The following BORCS5 variants were observed in gnomAD, a reference collection of about 807,000 sequenced individuals.
BORCS5 encodes BLOC-1-related complex subunit 5.
Under a neutral mutation model 22.1 loss-of-function variants are expected in BORCS5, and 17 were observed. The observed-to-expected ratio is 0.77, with a 90% CI of 0.53 to 1.15. BORCS5 has a LOEUF of 1.15. BORCS5 is among the 50% of genes most tolerant of loss of function. BORCS5 has a pLI of 0.00. For synonymous variants in BORCS5, 117 were observed against 99.8 expected (o/e 1.17, Z -1.03); for missense variants, 247 against 253.2 (o/e 0.98, Z 0.17).
chr12:12,438,366 A>AAAAC (rs1555155989), intron 3 of BORCS5, among the ~76,000 whole-genome samples: 1 of 118,040 alleles, frequency 8.5e-6, no homozygotes, highest in African/African-American at 4.6e-5. Flanking sequence ...ATCTCAAAAA[A>AAAAC]AAAAAAAAAA....
intron 2 of BORCS5, among the ~76,000 whole-genome samples, chr12:12,366,112 C>G (rs747257723): frequency 6.6e-5 from 10 of 152,164 alleles, no homozygotes; most frequent in Non-Finnish European, 1.3e-4. Flanking sequence ...TCCCCCTTTC[C>G]TGCTTTCAGG....
In BORCS5 at chr12:12,422,018, A is replaced by AT. The variant is rs77310222; in HGVS notation, c.203-13602dup. 4.2e-3 allele frequency among the ~76,000 whole-genome samples: 638 copies of AT among 151,798 alleles called. 6 individuals are homozygous for AT. Among genetic ancestry groups the AT allele is most frequent in the African/African-American group, 9.5e-3 (392 of 41,406 alleles). ...AAAAAACCAGCTCCTGGACTCATTG[A>AT]TTTTTTTTAAGGGTTTTTATGTCTC... is the stretch of plus-strand genomic sequence containing the variant. On this transcript the variant is annotated intron_variant, in intron 2 of 3. Transcript: ENST00000314565.
chr12:12,393,302 G>A (rs1276028284), intron 2 of BORCS5, among the ~76,000 whole-genome samples: 1 of 151,950 alleles, frequency 6.6e-6, no homozygotes, highest in Non-Finnish European at 1.5e-5. Context: ...ATGTACCCTA[G>A]TTTAAAAATC....
intron 2 of BORCS5, among the ~76,000 whole-genome samples, chr12:12,422,600 CAAAA>C (rs1363303157): frequency 6.7e-6 from 1 of 149,080 alleles, no homozygotes; most frequent in Non-Finnish European, 1.5e-5. Flanking sequence ...GTCTTCATCT[CAAAA>C]GAAAAAAAAA....
intron 2 of BORCS5, among the ~76,000 whole-genome samples, chr12:12,412,308 G>GT (rs199876354): frequency 2.1e-4 from 32 of 151,838 alleles, no homozygotes; most frequent in South Asian, 1.0e-3. Context: ...GTATTTTATG[G>GT]TTTTTTTTAT....
rs539934735 is a variant in BORCS5, at chr12:12,454,840, A to C, written c.361-10706A>C. 2.0e-5 allele frequency among the ~76,000 whole-genome samples: 3 copies of C among 152,320 alleles called. No homozygotes were observed. The South Asian group carries it at 6.2e-4, about 32-fold the overall frequency. On this transcript the variant is annotated intron_variant, in intron 3 of 3. Coordinates refer to ENST00000314565, the MANE Select transcript of BORCS5 (RefSeq NM_058169.6). ...ACAACACTGCCGTGAGGTAGGATGA[A>C]TATTAGCCATTATTATCCCCACTTT... is the stretch of plus-strand genomic sequence containing the variant.
chr12:12,422,491 G>A (rs939211098), intron 2 of BORCS5, among the ~76,000 whole-genome samples: 1 of 152,016 alleles, frequency 6.6e-6, no homozygotes. Context: ...GCACATGCCT[G>A]TAGTCTCAGC....
In BORCS5 at chr12:12,384,477, G is replaced by C. The variant is rs977758906; in HGVS notation, c.202+23128G>C. ...TTTCTATTGACTGCATTTTTTTCTTGAGTACGAGTCACACTCCTGTTTCTT... is the reference window on the plus strand; with the variant it reads ...TTTCTATTGACTGCATTTTTTTCTTCAGTACGAGTCACACTCCTGTTTCTT... On this transcript the variant is annotated intron_variant, in intron 2 of 3. Transcript: ENST00000314565. Among the ~76,000 whole-genome samples, 3 of 148,238 alleles carry C rather than the reference G, an allele frequency of 2.0e-5. No homozygotes were observed. In the Admixed American group the frequency reaches 2.0e-4, roughly 10 times the overall value.
rs1008321002 is a variant in BORCS5, at chr12:12,466,371, C to T, written c.*595C>T. 1 of 152,272 alleles carries T rather than the reference C, an allele frequency of 6.6e-6. No individual in the cohort carries two copies. Among genetic ancestry groups the T allele is most frequent in the African/African-American group, 2.4e-5 (1 of 41,458 alleles). 9.4% of individuals were successfully genotyped at this position (152,272 alleles called of 1,614,324 possible). The stretch of plus-strand genomic sequence containing the variant: ...AGGTTAGGTGTCCCTTAGTCGTCAT[C>T]AGAAGCTGAAGCCTTCCTTTCCACA... On this transcript the variant is annotated 3_prime_UTR_variant, in exon 4 of 4. Coordinates refer to ENST00000314565, the MANE Select transcript of BORCS5 (RefSeq NM_058169.6).
chr12:12,383,476 C>G (rs1416340373), intron 2 of BORCS5, among the ~76,000 whole-genome samples: 1 of 151,354 alleles, frequency 6.6e-6, no homozygotes, highest in Non-Finnish European at 1.5e-5. Context: ...TTCCTCAGTT[C>G]TTCTTGGACT....
intron 2 of BORCS5, among the ~76,000 whole-genome samples, chr12:12,400,958 T>C (rs1341322799): frequency 6.6e-6 from 1 of 152,238 alleles, no homozygotes; most frequent in Non-Finnish European, 1.5e-5. Flanking sequence ...CTTTTCCTTA[T>C]AATTTTGAGA....
intron 2 of BORCS5, among the ~76,000 whole-genome samples, chr12:12,415,556 A>AAAGGGGGAGGGGGAGGGG (rs1565887792): frequency 3.0e-4 from 1 of 3,306 alleles, no homozygotes; most frequent in Non-Finnish European, 9.3e-4. Context: ...GACCGTGGAG[A>AAAGGGGGAGGGGGAGGGG]GAGGGGGAGG....
chr12:12,447,098 CT>C (rs1301529712), intron 3 of BORCS5, among the ~76,000 whole-genome samples: 1 of 152,184 alleles, frequency 6.6e-6, no homozygotes, highest in Non-Finnish European at 1.5e-5. Flanking sequence ...TCTCTTTGCC[CT>C]TGCTGAGACT....
intron 2 of BORCS5, among the ~76,000 whole-genome samples, chr12:12,368,276 G>GTTTTTTTTT (rs1441786879): frequency 7.0e-6 from 1 of 142,444 alleles, no homozygotes; most frequent in African/African-American, 2.6e-5. Flanking sequence ...GTGGTATTCT[G>GTTTTTTTTT]TTTTGTTTTT....
At chr12:12,434,903 A>G (rs150588837) in intron 2 of BORCS5, among the ~76,000 whole-genome samples, 3,975 of 152,304 alleles carry the variant, frequency 0.026, 182 homozygotes, top group African/African-American at 0.088. Flanking sequence ...TAATTTCTAG[A>G]CTGGGCTTTG....
Position 12,357,123 on chromosome 12 carries a change from G to C in BORCS5, c.-329G>C, listed in dbSNP as rs1020598652. The stretch of plus-strand genomic sequence containing the variant: ...GAGCTTGCGGAGCGTGAACCAGTGA[G>C]TGAAAGCGGCGCCGCCCGCCGGCCG... On this transcript the variant is annotated 5_prime_UTR_variant, in exon 1 of 4. Coordinates refer to ENST00000314565, the MANE Select transcript of BORCS5 (RefSeq NM_058169.6). 6 of 1,534,362 alleles carry C rather than the reference G, an allele frequency of 3.9e-6. No homozygotes were observed. Among genetic ancestry groups the C allele is most frequent in the Non-Finnish European group, 5.2e-6 (6 of 1,146,062 alleles).
In BORCS5 at chr12:12,467,659, T is replaced by G. The variant is rs1230718729; in HGVS notation, c.*1883T>G. 1 of 152,218 alleles carries G rather than the reference T, an allele frequency of 6.6e-6. No individual in the cohort carries two copies. The highest frequency in any genetic ancestry group is 1.5e-5 in the Non-Finnish European group (1 of 68,032). The allele number at this position is 152,218 out of a possible 1,614,324, so 9.4% of individuals were successfully genotyped here. A position where few individuals can be genotyped will look rare whatever the true frequency, so the allele number is the denominator to read the frequency against. ...GAAAGAATTCTAGTTAGTTTAATAT[T>G]TTGATGGCATGTTGTGGTTTCTGCA... On this transcript the variant is annotated 3_prime_UTR_variant, in exon 4 of 4. Transcript: ENST00000314565.
intron 1 of BORCS5, among the ~76,000 whole-genome samples, chr12:12,360,918 G>C (rs1258282159): frequency 6.6e-6 from 1 of 151,908 alleles, no homozygotes; most frequent in Admixed American, 6.6e-5. Context: ...ACAGGGTTTC[G>C]CCATGTTGGC....
chr12:12,396,625 G>A lies in BORCS5; in HGVS notation c.202+35276G>A, dbSNP rs113119052. Among the ~76,000 whole-genome samples the A allele has an allele frequency of 4.1e-3, 626 of 152,200 alleles. 4 individuals carry two copies. Among genetic ancestry groups the A allele is most frequent in the Non-Finnish European group, 7.0e-3 (478 of 68,010 alleles). The stretch of plus-strand genomic sequence containing the variant: ...TTCTAGAGGGTACGCTAAAACTCTT[G>A]GAGGGAGTGGGGGGTGGGGGTTATA... On this transcript the variant is annotated intron_variant, in intron 2 of 3. Coordinates refer to ENST00000314565, the MANE Select transcript of BORCS5 (RefSeq NM_058169.6).
Sources: gnomAD v4.1 joint callset for allele counts (sites outside exome capture counted in the v4.1 genomes callset) on GRCh38, gnomAD v4.1.1 for gene constraint, MANE v1.5 for transcripts, NCBI Gene and HGNC (gene_info 2026-07-23, HGNC 2026-07-21) for gene names.